Variants in PCDH17 observed in about 807,000 individuals in gnomAD.
The protein encoded by PCDH17 is protocadherin-17.
A neutral mutation model predicts 67.7 loss-of-function variants in PCDH17; 21 were observed. The observed-to-expected ratio is 0.31, with a 90% CI of 0.22 to 0.45. PCDH17 has a LOEUF of 0.45. Ranked by LOEUF, PCDH17 falls within the 20% of genes least tolerant of loss-of-function variation. PCDH17 has a pLI of 1.00. For synonymous variants in PCDH17, 701 were observed against 656.7 expected (o/e 1.07, Z -1.03); for missense variants, 1,471 against 1,564.8 (o/e 0.94, Z 1.01).
chr13:57,651,518 T>C (rs1007924846), intron 1 of PCDH17, among the ~76,000 whole-genome samples: 1 of 151,952 alleles, frequency 6.6e-6, no homozygotes, highest in African/African-American at 2.4e-5. Flanking sequence ...TTATATTTTT[T>C]TTAGAGCTGG....
intron 3 of PCDH17, among the ~76,000 whole-genome samples, chr13:57,697,996 T>C (rs1036262791): frequency 6.6e-6 from 1 of 151,780 alleles, no homozygotes; most frequent in African/African-American, 2.4e-5. Context: ...TTTCCACAGA[T>C]AACCACATCA....
intron 3 of PCDH17, among the ~76,000 whole-genome samples, chr13:57,701,529 A>G (rs1228000025): frequency 9.8e-5 from 2 of 20,458 alleles, no homozygotes; most frequent in African/African-American, 9.9e-4. Context: ...TTTTAAATTT[A>G]AGACACCCAT....
intron 1 of PCDH17, among the ~76,000 whole-genome samples, chr13:57,648,686 A>G (rs1954998016): frequency 1.3e-5 from 2 of 151,964 alleles, no homozygotes; most frequent in South Asian, 4.1e-4. Context: ...TTGTTTTTTT[A>G]TGTGCAAATT....
chr13:57,642,377 CTT>C (rs1442649357), intron 1 of PCDH17, among the ~76,000 whole-genome samples: 3 of 151,478 alleles, frequency 2.0e-5, no homozygotes, highest in Admixed American at 1.3e-4. Context: ...GATATATACT[CTT>C]ATAAAAAACA....
chr13:57,690,839 C>G (rs959298278), intron 3 of PCDH17, among the ~76,000 whole-genome samples: 5 of 151,386 alleles, frequency 3.3e-5, no homozygotes, highest in Non-Finnish European at 7.4e-5. Context: ...AATCTAAGCA[C>G]AGCATGTTCA....
At chr13:57,636,828 A>G (rs1354719834) in intron 1 of PCDH17, among the ~76,000 whole-genome samples, 1 of 152,158 alleles carries the variant, frequency 6.6e-6, no homozygotes, top group Non-Finnish European at 1.5e-5. Context: ...AATTACAAAG[A>G]TGTCACAGAG....
chr13:57,688,683 C>G (rs1238500647), intron 3 of PCDH17, among the ~76,000 whole-genome samples: 1 of 152,004 alleles, frequency 6.6e-6, no homozygotes, highest in African/African-American at 2.4e-5. Context: ...TTGAAAGATT[C>G]CACATCATTG....
At chr13:57,688,745 T>C (rs1389322233) in intron 3 of PCDH17, among the ~76,000 whole-genome samples, 3 of 152,058 alleles carry the variant, frequency 2.0e-5, no homozygotes, top group Non-Finnish European at 2.9e-5. Context: ...GACTCAGTAA[T>C]AATACCAGCT....
chr13:57,694,862 A>G (rs1247420579), intron 3 of PCDH17, among the ~76,000 whole-genome samples: 1 of 151,210 alleles, frequency 6.6e-6, no homozygotes, highest in Non-Finnish European at 1.5e-5. Context: ...TCTAGAGTAT[A>G]TTAATCAAGG....
chr13:57,714,864 CAA>C (rs1222121049), intron 3 of PCDH17, among the ~76,000 whole-genome samples: 1 of 151,530 alleles, frequency 6.6e-6, no homozygotes, highest in Non-Finnish European at 1.5e-5. Context: ...AAGAAAAAAA[CAA>C]AAGAGAAACG....
intron 3 of PCDH17, among the ~76,000 whole-genome samples, chr13:57,716,578 C>A (rs1242707086): frequency 1.3e-5 from 2 of 151,890 alleles, no homozygotes; most frequent in Non-Finnish European, 2.9e-5. Context: ...AAGCCTTTCA[C>A]AATATTACAA....
intron 3 of PCDH17, among the ~76,000 whole-genome samples, chr13:57,708,878 G>A (rs1265913771): frequency 6.6e-6 from 1 of 151,842 alleles, no homozygotes; most frequent in Non-Finnish European, 1.5e-5. Flanking sequence ...TATTCACTGT[G>A]CATTTCAATA....
intron 1 of PCDH17, 26 bp from the exon 2 acceptor site, chr13:57,666,442 C>A: frequency 6.3e-7 from 1 of 1,577,682 alleles, no homozygotes; most frequent in Non-Finnish European, 8.7e-7. Flanking sequence ...TACAACTATA[C>A]GTATTTTTTT....
At chr13:57,716,426 C>T (rs1296001937) in intron 3 of PCDH17, among the ~76,000 whole-genome samples, 2 of 151,920 alleles carry the variant, frequency 1.3e-5, no homozygotes, top group African/African-American at 4.8e-5. Flanking sequence ...TGGTCTCTTA[C>T]TGCCCTGTGA....
Position 57,641,381 on chromosome 13 carries a change from A to G in PCDH17, c.2565+6270A>G, listed in dbSNP as rs184101965. On this transcript the variant is annotated intron_variant, in intron 1 of 3. Coordinates refer to ENST00000377918, the MANE Select transcript of PCDH17 (RefSeq NM_001040429.3). ...CATGCTTTTATTTCCTTGCTACTGC[A>G]GAAATACTAAGATCAATATATTTAA... Among the ~76,000 whole-genome samples the G allele has an allele frequency of 9.3e-5, 14 of 150,710 alleles. No individual in the cohort carries two copies. In the Admixed American group the frequency reaches 9.3e-4, roughly 10 times the overall value.
intron 3 of PCDH17, among the ~76,000 whole-genome samples, chr13:57,704,121 T>G (rs192650340): frequency 6.6e-6 from 1 of 152,234 alleles, no homozygotes; most frequent in African/African-American, 2.4e-5. Context: ...ATTTCAAGAC[T>G]AAAATGAATA....
chr13:57,720,225 T>G (rs943323157), intron 3 of PCDH17, among the ~76,000 whole-genome samples: 2 of 151,996 alleles, frequency 1.3e-5, no homozygotes, highest in Non-Finnish European at 2.9e-5. Flanking sequence ...GAGAGAGCTT[T>G]CAGATATTAT....
chr13:57,678,144 CAT>C lies in PCDH17; in HGVS notation c.2797+11328_2797+11329del, dbSNP rs10627550. Among the ~76,000 whole-genome samples the C allele has an allele frequency of 2.7e-3, 401 of 147,162 alleles. 3 individuals carry two copies. The highest frequency in any genetic ancestry group is 8.1e-3 in the African/African-American group (327 of 40,312). On this transcript the variant is annotated intron_variant, in intron 3 of 3. Transcript: ENST00000377918. The stretch of plus-strand genomic sequence containing the variant: ...CTATTTCACTCTCTCTCTCTATCTC[CAT>C]ATATATATATATATATCTCGAAACA...
At position 57,633,844 on chromosome 13, in the gene PCDH17, A is replaced by T; in HGVS notation, c.1298A>T (p.Glu433Val). 1 of 1,612,888 alleles carries T rather than the reference A, an allele frequency of 6.2e-7. No individual in the cohort carries two copies. Among genetic ancestry groups the T allele is most frequent in the Non-Finnish European group, 8.5e-7 (1 of 1,180,038 alleles). Residue 433 changes from glutamate (E) to valine (V), a missense_variant, in exon 1 of 4, where the codon GAG becomes GTG. Coordinates refer to ENST00000377918, the MANE Select transcript of PCDH17 (RefSeq NM_001040429.3). This position sits in a 1 kb window ranked among gnomAD's most constrained non-coding sequence, Gnocchi z 6.2. ...TVVTDRPLDR[E>V]TQDEYNVTIV... Reference sequence around the variant, plus strand: ...GTGACTGACCGCCCGCTGGACCGCGAGACACAAGACGAGTACAACGTGACC... The same window carrying T: ...GTGACTGACCGCCCGCTGGACCGCGTGACACAAGACGAGTACAACGTGACC...
Sources: gnomAD v4.1 joint callset for allele counts (sites outside exome capture counted in the v4.1 genomes callset) on GRCh38, gnomAD v4.1.1 for gene constraint, Gnocchi (gnomAD v3.1) non-coding constraint, MANE v1.5 for transcripts, NCBI Gene and HGNC (gene_info 2026-07-23, HGNC 2026-07-21) for gene names.